Variants in PLCB1 observed in about 807,000 individuals in gnomAD.
The protein encoded by PLCB1 is 1-phosphatidylinositol 4,5-bisphosphate phosphodiesterase beta-1.
In PLCB1, 46 loss-of-function variants were observed where a neutral mutation model predicts 161.8. The ratio of observed to expected loss-of-function variants is 0.28; its 90% CI spans 0.22 to 0.36. The LOEUF (loss-of-function observed/expected upper bound fraction) is 0.36. Ranked by LOEUF, PLCB1 falls within the 10% of genes least tolerant of loss-of-function variation. The probability of loss-of-function intolerance (pLI) is 1.00; values close to 1 mark genes in which losing one functional copy is unlikely to be tolerated. For synonymous variants in PLCB1, 517 were observed against 503.7 expected, an observed-to-expected ratio of 1.03 and a Z score of -0.35; for missense variants, 1,016 against 1,472.5, an observed-to-expected ratio of 0.69 and a Z score of 5.07.
At chr20:8,772,877 C>CTAA (rs538321349) in intron 26 of PLCB1, among the ~76,000 whole-genome samples, 1,569 of 152,138 alleles carry the variant, frequency 0.01, 13 homozygotes, top group Middle Eastern at 0.02. Flanking sequence ...TTGTGGTGAG[C>CTAA]TAAGATCGTG....
intron 3 of PLCB1, among the ~76,000 whole-genome samples, chr20:8,566,565 T>C (rs916356448): frequency 6.6e-6 from 1 of 152,186 alleles, no homozygotes; most frequent in African/African-American, 2.4e-5. Context: ...TTTGAGCAGT[T>C]AGATTTTCCA....
chr20:8,817,375 T>A (rs912889269), intron 31 of PLCB1, among the ~76,000 whole-genome samples: 1 of 152,002 alleles, frequency 6.6e-6, no homozygotes, highest in Non-Finnish European at 1.5e-5. Flanking sequence ...TGGTGTAGAA[T>A]AGAGGAGGAA....
At chr20:8,620,627 C>T (rs921898137) in intron 3 of PLCB1, among the ~76,000 whole-genome samples, 2 of 151,250 alleles carry the variant, frequency 1.3e-5, no homozygotes, top group African/African-American at 4.9e-5. Context: ...GTGGTCCCAG[C>T]TATTTGGGGG....
At chr20:8,595,360 T>G (rs1170233713) in intron 3 of PLCB1, among the ~76,000 whole-genome samples, 1 of 142,876 alleles carries the variant, frequency 7.0e-6, no homozygotes, top group Non-Finnish European at 1.5e-5. Flanking sequence ...GTTTGGTTTT[T>G]TGTTCTTGCG....
chr20:8,331,263 A>T (rs1336965331), intron 2 of PLCB1, among the ~76,000 whole-genome samples: 1 of 152,226 alleles, frequency 6.6e-6, no homozygotes, highest in East Asian at 1.9e-4. Context: ...TTACAGACAA[A>T]GACTTGCTTT....
intron 9 of PLCB1, among the ~76,000 whole-genome samples, chr20:8,665,381 T>C (rs913296294): frequency 3.9e-5 from 6 of 152,242 alleles, no homozygotes; most frequent in Admixed American, 6.5e-5. Context: ...TCATTGGCAT[T>C]TATGCCAAAT....
chr20:8,726,428 C>T (rs543864044), intron 16 of PLCB1, among the ~76,000 whole-genome samples: 21 of 152,008 alleles, frequency 1.4e-4, no homozygotes, highest in Non-Finnish European at 2.8e-4. Context: ...AAGAAATATC[C>T]GAGACTGGGT....
intron 2 of PLCB1, among the ~76,000 whole-genome samples, chr20:8,252,593 C>A (rs1053738833): frequency 6.6e-6 from 1 of 151,954 alleles, no homozygotes; most frequent in African/African-American, 2.4e-5. Context: ...ATAGTTGCTT[C>A]GTGCATAAGC....
Position 8,432,961 on chromosome 20 carries a change from G to T in PLCB1, c.246+61511G>T, listed in dbSNP as rs1674387612. 3.9e-5 allele frequency among the ~76,000 whole-genome samples: 6 copies of T among 152,204 alleles called. No individual in the cohort carries two copies. In the South Asian group the frequency reaches 1.2e-3, roughly 31 times the overall value. On this transcript the variant is annotated intron_variant, in intron 3 of 31. Transcript: ENST00000338037. ...CCCCCTCTGGCTTTGCTATCTGCAG[G>T]TTTCTTGATCACACGTGGTATCCAT...
chr20:8,132,565 AGCCCGC>A lies in PLCB1; in HGVS notation c.-82_-77del. The A allele has an allele frequency of 1.2e-6, 1 of 804,720 alleles. No individual in the cohort carries two copies. The highest frequency in any genetic ancestry group is 2.4e-5 in the South Asian group (1 of 42,270). The allele number at this position is 804,720 out of a possible 1,614,324, so 49.8% of individuals were successfully genotyped here. A position where few individuals can be genotyped will look rare whatever the true frequency, so the allele number is the denominator to read the frequency against. ...CGAGCGCCTCCGGAGCAGAGAAAGG[AGCCCGC>A]GCCCCGCGCCCCGCGCCCCGCGCAC... On this transcript the variant is annotated 5_prime_UTR_variant, in exon 1 of 32. Transcript: ENST00000338037. The surrounding 1 kb of genome is among the most constrained non-coding windows in gnomAD (Gnocchi z 5.2).
intron 3 of PLCB1, among the ~76,000 whole-genome samples, chr20:8,401,509 A>G (rs113865879): frequency 6.6e-6 from 1 of 152,212 alleles, no homozygotes; most frequent in African/African-American, 2.4e-5. Flanking sequence ...TATGACAGTG[A>G]CAAAGGAATC....
chr20:8,851,712 G>GT (rs11479187), intron 31 of PLCB1, among the ~76,000 whole-genome samples: 3,888 of 142,948 alleles, frequency 0.027, 159 homozygotes, highest in African/African-American at 0.091. Context: ...TCTTTTTTTG[G>GT]TTTTTTTTTT....
At chr20:8,836,624 A>C (rs1339525858) in intron 31 of PLCB1, among the ~76,000 whole-genome samples, 2 of 151,776 alleles carry the variant, frequency 1.3e-5, no homozygotes, top group Admixed American at 6.6e-5. Flanking sequence ...ACTGATAGAT[A>C]GTCCGTGGTG....
At chr20:8,168,957 A>G (rs1600212820) in intron 2 of PLCB1, among the ~76,000 whole-genome samples, 1 of 152,174 alleles carries the variant, frequency 6.6e-6, no homozygotes, top group Admixed American at 6.5e-5. Flanking sequence ...TTCTGGGATG[A>G]AAACACATGA....
intron 9 of PLCB1, among the ~76,000 whole-genome samples, chr20:8,670,155 G>C (rs1351907711): frequency 6.6e-6 from 1 of 152,096 alleles, no homozygotes; most frequent in Non-Finnish European, 1.5e-5. Flanking sequence ...AAGAGAGACA[G>C]GTTCTAATCT....
chr20:8,847,525 C>T lies in PLCB1; in HGVS notation c.3424-34097C>T, dbSNP rs1274098352. ...TTTTGGTATCTTGTTGAAGTGTTTT[C>T]TGACACCAATCTCTTCTCCAACATC... On this transcript the variant is annotated intron_variant, in intron 31 of 31. Transcript: ENST00000338037. 5.9e-5 allele frequency among the ~76,000 whole-genome samples: 9 copies of T among 152,274 alleles called. No individual in the cohort carries two copies. In the South Asian group the frequency reaches 1.5e-3, roughly 25 times the overall value.
intron 3 of PLCB1, among the ~76,000 whole-genome samples, chr20:8,454,117 C>T (rs1426021433): frequency 1.3e-5 from 2 of 152,082 alleles, no homozygotes; most frequent in African/African-American, 2.4e-5. Context: ...TTCTCACCTC[C>T]AGAATTGTGA....
Position 8,647,779 on chromosome 20 carries a change from C to T in PLCB1, c.465-121C>T, listed in dbSNP as rs571068076. 4 of 717,896 alleles carry T rather than the reference C, an allele frequency of 5.6e-6. No homozygotes were observed. In the South Asian group the frequency reaches 6.3e-5, roughly 11 times the overall value. 44.5% of individuals were successfully genotyped at this position (717,896 alleles called of 1,614,324 possible). ...TGGGTGCCAACTGTGGAGACTTGGG[C>T]AGTTTGTGGAAATTCAGCAAAATGT... On this transcript the variant is annotated intron_variant, in intron 5 of 31. Coordinates refer to ENST00000338037, the MANE Select transcript of PLCB1 (RefSeq NM_015192.4).
At chr20:8,689,368 T>C (rs1242573620) in intron 10 of PLCB1, among the ~76,000 whole-genome samples, 1 of 152,160 alleles carries the variant, frequency 6.6e-6, no homozygotes, top group African/African-American at 2.4e-5. Flanking sequence ...TGGCCAAGAC[T>C]TCCAGTACTA....
Sources: allele counts gnomAD v4.1 joint callset (sites outside exome capture counted in the v4.1 genomes callset), GRCh38; gene constraint gnomAD v4.1.1; non-coding constraint Gnocchi (gnomAD v3.1); transcripts MANE v1.5; gene names NCBI Gene and HGNC (gene_info 2026-07-23, HGNC 2026-07-21).